Variants in PRKRIP1 observed in about 807,000 individuals in gnomAD.
PRKRIP1 encodes PRKR-interacting protein 1.
Under a neutral mutation model 29.3 loss-of-function variants are expected in PRKRIP1, and 29 were observed. That is an observed-to-expected ratio of 0.99 (90% CI 0.74 to 1.35). The LOEUF (loss-of-function observed/expected upper bound fraction) is 1.35, where lower values mean the gene tolerates loss of function less well. Ranked by LOEUF, PRKRIP1 falls within the 40% of genes most tolerant of loss-of-function variation. The pLI is 0.00. For synonymous variants in PRKRIP1, 90 were observed against 85.1 expected (o/e 1.06, Z -0.32); for missense variants, 247 against 236.8 (o/e 1.04, Z -0.28).
chr7:102,422,315 A>T (rs1586697528), intron 5 of PRKRIP1, among the ~76,000 whole-genome samples: 2 of 151,084 alleles, frequency 1.3e-5, no homozygotes, highest in East Asian at 3.9e-4. Flanking sequence ...GCTGGATGAC[A>T]GGCGTGAGCC....
chr7:102,418,106 A>G (rs1309262484), intron 5 of PRKRIP1, among the ~76,000 whole-genome samples: 17 of 147,850 alleles, frequency 1.1e-4, no homozygotes, highest in Admixed American at 6.8e-5. Flanking sequence ...CTGGAGTGCA[A>G]TGGTGCGATC....
intron 5 of PRKRIP1, among the ~76,000 whole-genome samples, chr7:102,412,173 T>C (rs1369822516): frequency 6.6e-6 from 1 of 152,180 alleles, no homozygotes; most frequent in Non-Finnish European, 1.5e-5. Context: ...AGCCAGCACC[T>C]GAACATATTA....
At chr7:102,398,291 GT>G (rs1795970481) in intron 2 of PRKRIP1, among the ~76,000 whole-genome samples, 1 of 147,342 alleles carries the variant, frequency 6.8e-6, no homozygotes, top group Non-Finnish European at 1.5e-5. Flanking sequence ...TTTTGTTTTT[GT>G]TTTTCTTTTG....
At chr7:102,411,383 T>C (rs1393125562) in intron 5 of PRKRIP1, among the ~76,000 whole-genome samples, 2 of 151,502 alleles carry the variant, frequency 1.3e-5, no homozygotes, top group Non-Finnish European at 2.9e-5. Context: ...TTGTTTTTTT[T>C]TTGTTTGTTT....
intron 5 of PRKRIP1, among the ~76,000 whole-genome samples, chr7:102,420,574 G>GTCAAATTGCCAAATGACTT (rs1308127466): frequency 8.5e-5 from 13 of 152,132 alleles, no homozygotes; most frequent in African/African-American, 3.1e-4. Flanking sequence ...GGGTAATTTT[G>GTCAAATTGCCAAATGACTT]TCAAATTGCC....
chr7:102,405,315 A>C (rs990370969), intron 4 of PRKRIP1, among the ~76,000 whole-genome samples: 1 of 152,214 alleles, frequency 6.6e-6, no homozygotes, highest in Admixed American at 6.5e-5. Context: ...AAGTGACTAC[A>C]TGGTATATAG....
At chr7:102,421,003 A>G (rs556958454) in intron 5 of PRKRIP1, among the ~76,000 whole-genome samples, 68 of 152,094 alleles carry the variant, frequency 4.5e-4, no homozygotes, top group African/African-American at 1.6e-3. Context: ...GATGCCCCAC[A>G]CGGTGCCCAG....
intron 3 of PRKRIP1, among the ~76,000 whole-genome samples, 161 bp downstream of exon 3, chr7:102,399,809 AGACCAGCCT>A (rs1796015926): frequency 6.6e-6 from 1 of 152,150 alleles, no homozygotes; most frequent in Non-Finnish European, 1.5e-5. Flanking sequence ...CGGGAGTTTG[AGACCAGCCT>A]GACCAACATG....
chr7:102,414,235 AAG>A, intron 5 of PRKRIP1, among the ~76,000 whole-genome samples: 1 of 145,676 alleles, frequency 6.9e-6, no homozygotes, highest in East Asian at 2.1e-4. Flanking sequence ...CAAAAAAAGA[AAG>A]AAAAAAAAAG....
At chr7:102,416,257 T>C (rs1373713586) in intron 5 of PRKRIP1, among the ~76,000 whole-genome samples, 1 of 152,224 alleles carries the variant, frequency 6.6e-6, no homozygotes, top group Non-Finnish European at 1.5e-5. Flanking sequence ...ACAGAAAGAT[T>C]GCAAAGATAG....
chr7:102,399,454 CT>C (rs1796007369), intron 2 of PRKRIP1, 93 bp from the exon 3 acceptor site: 1 of 972,812 alleles, frequency 1.0e-6, no homozygotes, highest in African/African-American at 1.6e-5. Flanking sequence ...CCTTCCACGA[CT>C]TCCACTTTTT....
intron 3 of PRKRIP1, among the ~76,000 whole-genome samples, chr7:102,402,361 C>T (rs890232752): frequency 6.6e-6 from 1 of 151,424 alleles, no homozygotes; most frequent in African/African-American, 2.4e-5. Context: ...TCGCTTGAGC[C>T]TGGACGGTCA....
intron 5 of PRKRIP1, among the ~76,000 whole-genome samples, chr7:102,417,006 C>T (rs919077489): frequency 1.3e-5 from 2 of 152,086 alleles, no homozygotes; most frequent in African/African-American, 4.8e-5. Context: ...CAGGCACCCA[C>T]CACCACTCCC....
intron 5 of PRKRIP1, among the ~76,000 whole-genome samples, chr7:102,418,040 CTTCTTCTTCT>C (rs1796600032): frequency 6.7e-6 from 1 of 148,218 alleles, no homozygotes; most frequent in Non-Finnish European, 1.5e-5. Context: ...TCTTCTTCTT[CTTCTTCTTCT>C]TTTTTTTTTT....
intron 3 of PRKRIP1, among the ~76,000 whole-genome samples, chr7:102,401,045 C>G (rs568820714): frequency 6.6e-6 from 1 of 152,144 alleles, no homozygotes; most frequent in East Asian, 1.9e-4. Flanking sequence ...CTGCAGCTTA[C>G]TTTGAAATGC....
At chr7:102,403,694 T>A (rs1271920121) in intron 3 of PRKRIP1, among the ~76,000 whole-genome samples, 1 of 152,206 alleles carries the variant, frequency 6.6e-6, no homozygotes, top group Non-Finnish European at 1.5e-5. Flanking sequence ...TCATTATTGT[T>A]CCTAACAGCT....
rs1796264190 is a variant in PRKRIP1 at position 102,407,476 on chromosome 7, A to G, written c.435A>G (p.Lys145=). 6.2e-7 allele frequency: 1 copy of G among 1,613,164 alleles called. No homozygotes were observed. Among genetic ancestry groups the G allele is most frequent in the African/African-American group, 1.3e-5 (1 of 74,904 alleles). ...AGAAATTACTGGCAAAGAAGATGAA[A>G]CTTGAACAGAAGAAACAAGAAGGTG... The part of the protein sequence containing the change: ...KEKKLLAKKM[K]LEQKKQEGPG... Residue 145 remains lysine (K), a synonymous_variant, in exon 5 of 6, where the codon AAA becomes AAG. Transcript: ENST00000397912.
chr7:102,424,749 T>C (rs1354036435), intron 5 of PRKRIP1, among the ~76,000 whole-genome samples: 1 of 152,150 alleles, frequency 6.6e-6, no homozygotes, highest in Non-Finnish European at 1.5e-5. Flanking sequence ...GCGTGGTTTA[T>C]GGGGTGTCGG....
At chr7:102,423,535 G>T in intron 5 of PRKRIP1, 1 of 213,234 alleles carries the variant, frequency 4.7e-6, no homozygotes, top group Non-Finnish European at 9.9e-6. Context: ...CACCTCTCTG[G>T]GTCTTTTATC....
Sources: allele counts gnomAD v4.1 joint callset (sites outside exome capture counted in the v4.1 genomes callset), GRCh38; gene constraint gnomAD v4.1.1; transcripts MANE v1.5; gene names NCBI Gene and HGNC (gene_info 2026-07-23, HGNC 2026-07-21).